Variants in MYO18B observed in about 807,000 individuals in gnomAD.
MYO18B encodes unconventional myosin-XVIIIb.
In MYO18B, 204 loss-of-function variants were observed where a neutral mutation model predicts 273.0. The ratio of observed to expected loss-of-function variants is 0.75; its 90% CI spans 0.67 to 0.84. The LOEUF (loss-of-function observed/expected upper bound fraction) is 0.84. Ranked by LOEUF, MYO18B falls within the 40% of genes least tolerant of loss-of-function variation. The pLI, the probability that MYO18B is intolerant of heterozygous loss-of-function variation, is 0.00. For missense variants in MYO18B, 3,212 were observed against 3,287.6 expected, an observed-to-expected ratio of 0.98 and a Z score of 0.56; for synonymous variants, 1,330 against 1,305.7, an observed-to-expected ratio of 1.02 and a Z score of -0.40.
intron 27 of MYO18B, among the ~76,000 whole-genome samples, chr22:25,893,555 CT>C (rs1409709537): frequency 6.6e-6 from 1 of 152,204 alleles, no homozygotes; most frequent in African/African-American, 2.4e-5. Context: ...CTGCTTCTTA[CT>C]TTTGCAGTCC....
chr22:25,801,489 A>G (rs993097468), intron 12 of MYO18B, among the ~76,000 whole-genome samples: 1 of 152,170 alleles, frequency 6.6e-6, no homozygotes, highest in African/African-American at 2.4e-5. Context: ...GGGGCTAATG[A>G]TGGTACCCAC....
chr22:26,008,651 ATTACCT>A lies in MYO18B; in HGVS notation c.6470+3799_6470+3804del, dbSNP rs1200873299. ...GCGCTTCTGGAGACGAAGACACTAA[ATTACCT>A]TTGTGGCCACAGAGAGGGAGTTTAT... On this transcript the variant is annotated intron_variant, in intron 42 of 43. Transcript: ENST00000335473. 2.6e-5 allele frequency among the ~76,000 whole-genome samples: 4 copies of A among 152,284 alleles called. No homozygotes were observed. The East Asian group carries it at 7.7e-4, about 29-fold the overall frequency.
chr22:26,062,707 A>C, the MYO18B span, among the ~76,000 whole-genome samples: 1 of 152,224 alleles, frequency 6.6e-6, no homozygotes, highest in Non-Finnish European at 1.5e-5. Flanking sequence ...TGGAGAAAAC[A>C]CAGCCTCTTC....
At chr22:25,912,132 T>C (rs1424854726) in intron 33 of MYO18B, among the ~76,000 whole-genome samples, 1 of 152,260 alleles carries the variant, frequency 6.6e-6, no homozygotes, top group Non-Finnish European at 1.5e-5. Context: ...AAATAAATGC[T>C]TATTATGTAT....
At chr22:25,748,926 T>C (rs1401105087) in intron 1 of MYO18B, among the ~76,000 whole-genome samples, 2 of 152,212 alleles carry the variant, frequency 1.3e-5, no homozygotes, top group African/African-American at 4.8e-5. Flanking sequence ...TTGGGTGAAG[T>C]AGGCTGGACT....
At chr22:26,063,817 T>G in the MYO18B span, among the ~76,000 whole-genome samples, 1 of 152,234 alleles carries the variant, frequency 6.6e-6, no homozygotes, top group African/African-American at 2.4e-5. Context: ...AAAAATAGTG[T>G]GATAGCAATT....
At chr22:25,889,633 G>T (rs1289087272) in intron 25 of MYO18B, among the ~76,000 whole-genome samples, 1 of 151,192 alleles carries the variant, frequency 6.6e-6, no homozygotes, top group Non-Finnish European at 1.5e-5. Flanking sequence ...CCTACATAGG[G>T]TTGTTTCTCT....
intron 11 of MYO18B, among the ~76,000 whole-genome samples, chr22:25,794,507 A>T (rs907284039): frequency 2.0e-5 from 3 of 149,356 alleles, no homozygotes; most frequent in Non-Finnish European, 4.5e-5. Context: ...ATTGTTTATT[A>T]TTTATTTATT....
intron 42 of MYO18B, among the ~76,000 whole-genome samples, chr22:26,017,138 ACTCC>A (rs529983908): frequency 1.1e-3 from 75 of 65,320 alleles, no homozygotes; most frequent in Middle Eastern, 0.022. Flanking sequence ...CCTCCCTTCC[ACTCC>A]CTCCCTCCCT....
At chr22:25,874,482 C>T (rs2091137900) in intron 23 of MYO18B, 68 bp downstream of exon 23, 1 of 1,548,102 alleles carries the variant, frequency 6.5e-7, no homozygotes, top group African/African-American at 1.4e-5. Flanking sequence ...GTCTGCCTGT[C>T]TTTCAGGATG....
chr22:25,806,399 A>G (rs1388549663), intron 12 of MYO18B, among the ~76,000 whole-genome samples: 3 of 152,174 alleles, frequency 2.0e-5, no homozygotes, highest in Admixed American at 6.5e-5. Context: ...GGCTGGGCAC[A>G]GCTGGCCTTT....
chr22:25,900,764 G>A (rs1156684145), intron 29 of MYO18B: 1 of 152,376 alleles, frequency 6.6e-6, no homozygotes, highest in African/African-American at 2.4e-5. Flanking sequence ...GGCATCAAGT[G>A]GCCTGTTAAG....
intron 17 of MYO18B, among the ~76,000 whole-genome samples, chr22:25,840,867 C>T (rs926279163): frequency 9.9e-5 from 15 of 152,156 alleles, no homozygotes; most frequent in Non-Finnish European, 2.1e-4. Flanking sequence ...CTATAAAGCC[C>T]TCAGTACCCA....
intron 8 of MYO18B, among the ~76,000 whole-genome samples, chr22:25,779,445 C>T (rs1299460525): frequency 2.0e-5 from 3 of 152,208 alleles, no homozygotes; most frequent in African/African-American, 7.2e-5. Flanking sequence ...TGCTTCTCCA[C>T]TGGGGTTATT....
chr22:25,894,790 T>A (rs2091758160), intron 27 of MYO18B: 1 of 165,084 alleles, frequency 6.1e-6, no homozygotes, highest in Admixed American at 6.0e-5. Flanking sequence ...TTCCAGAGGG[T>A]GTGAAGGACT....
intron 13 of MYO18B, among the ~76,000 whole-genome samples, chr22:25,824,716 C>T (rs1489862037): frequency 6.6e-6 from 1 of 152,142 alleles, no homozygotes; most frequent in East Asian, 1.9e-4. Flanking sequence ...CTCTATGTCT[C>T]CTTTCAGGTC....
chr22:25,944,293 G>A (rs1046830386), intron 34 of MYO18B, among the ~76,000 whole-genome samples: 8 of 152,178 alleles, frequency 5.3e-5, no homozygotes, highest in African/African-American at 1.4e-4. Flanking sequence ...CCCATTTGCC[G>A]ACTGAAATGG....
chr22:26,027,623 C>G lies in MYO18B; in HGVS notation c.7649C>G (p.Thr2550Arg). 1 of 1,613,704 alleles carries G rather than the reference C, an allele frequency of 6.2e-7. No homozygotes were observed. Among genetic ancestry groups the G allele is most frequent in the South Asian group, 1.1e-5 (1 of 91,022 alleles). Residue 2550 changes from threonine (T) to arginine (R), a missense_variant, in exon 43 of 44, where the codon ACG becomes AGG. By Grantham distance (71) the Thr-to-Arg change is moderately conservative. Coordinates refer to ENST00000335473, the MANE Select transcript of MYO18B (RefSeq NM_032608.7). The surrounding 1 kb of genome is among the most constrained non-coding windows in gnomAD (Gnocchi z 4.1). ...TCCCCCGAGCGGAGAGAGCCAGGGA[C>G]GGGGAGGAAAGACGACGATGTTGCG... is the stretch of plus-strand genomic sequence containing the variant. The part of the protein sequence containing the change: ...RTSPERREPG[T>R]GRKDDDVASI...
the MYO18B span, among the ~76,000 whole-genome samples, chr22:26,063,347 C>T: frequency 5.3e-5 from 8 of 152,138 alleles, no homozygotes; most frequent in South Asian, 2.1e-4. Context: ...AATATTACCT[C>T]GTATGCTGAA....
Sources: allele counts gnomAD v4.1 joint callset (sites outside exome capture counted in the v4.1 genomes callset), GRCh38; gene constraint gnomAD v4.1.1; non-coding constraint Gnocchi (gnomAD v3.1); transcripts MANE v1.5; gene names NCBI Gene and HGNC (gene_info 2026-07-23, HGNC 2026-07-21).